TRAF3: variants seen among roughly 807,000 people sequenced by gnomAD.
The protein encoded by TRAF3 is TNF receptor associated factor 3, also known as TNF receptor-associated factor 3.
Under a neutral mutation model 62.3 loss-of-function variants are expected in TRAF3, and 13 were observed. The observed-to-expected ratio is 0.21, with a 90% CI of 0.14 to 0.33. The LOEUF is 0.33. TRAF3 is among the 10% of genes least tolerant of loss of function. TRAF3 has a pLI of 1.00. For missense variants in TRAF3, 440 were observed against 741.8 expected (o/e 0.59, Z 4.73); for synonymous variants, 269 against 283.4 (o/e 0.95, Z 0.51).
intron 4 of TRAF3, among the ~76,000 whole-genome samples, chr14:102,873,153 C>T (rs1452148411): frequency 1.3e-5 from 2 of 152,204 alleles, no homozygotes; most frequent in East Asian, 3.8e-4. Flanking sequence ...GTTTGTTGGT[C>T]AGAGCAGCCC....
In TRAF3 at chr14:102,893,950, T is replaced by C. The variant is rs1301069308; in HGVS notation, c.819+2533T>C. Among the ~76,000 whole-genome samples, 3 of 152,238 alleles carry C rather than the reference T, an allele frequency of 2.0e-5. 1 individual carries two copies. The highest frequency in any genetic ancestry group is 4.1e-4 in the South Asian group (2 of 4,836). On this transcript the variant is annotated intron_variant, in intron 9 of 11. Coordinates refer to ENST00000392745, the MANE Select transcript of TRAF3 (RefSeq NM_145725.3). ...TTACTTAAAATGGGAATTTATTTCT[T>C]ATTATAGAATTATTTAGTTGGAATT...
At chr14:102,900,142 G>A (rs994431060) in intron 10 of TRAF3, among the ~76,000 whole-genome samples, 5 of 137,950 alleles carry the variant, frequency 3.6e-5, no homozygotes, top group African/African-American at 1.2e-4. Flanking sequence ...TAGCGCCGCT[G>A]CAGTCAGGCG....
rs56998347 is a variant in TRAF3, at chr14:102,839,210, C to CTTTTTTTTTTT, written c.-18+8756_-18+8766dup. On this transcript the variant is annotated intron_variant, in intron 2 of 11. Coordinates refer to ENST00000392745, the MANE Select transcript of TRAF3 (RefSeq NM_145725.3). ...GAGAGATGCTTATTGGTTGATTTGCCTTTTTTTTTTTTTTTTTTTTTTTTT... is the reference window on the plus strand; with the variant it reads ...GAGAGATGCTTATTGGTTGATTTGCCTTTTTTTTTTTTTTTTTTTTTTTTTTTTTTTTTTTT... Among the ~76,000 whole-genome samples, 5 of 89,834 alleles carry CTTTTTTTTTTT rather than the reference C, an allele frequency of 5.6e-5. 1 individual carries two copies. The highest frequency in any genetic ancestry group is 2.2e-4 in the African/African-American group (5 of 22,588). The allele number at this position is 89,834 out of a possible 152,430, so 58.9% of individuals were successfully genotyped here. A position where few individuals can be genotyped will look rare whatever the true frequency, so the allele number is the denominator to read the frequency against.
intron 4 of TRAF3, among the ~76,000 whole-genome samples, chr14:102,874,260 A>G (rs530362895): frequency 3.9e-5 from 6 of 152,152 alleles, no homozygotes; most frequent in Non-Finnish European, 5.9e-5. Flanking sequence ...AGTGAAACCC[A>G]CCCTGTCTCT....
chr14:102,891,808 CAT>C (rs1259587592), intron 9 of TRAF3, among the ~76,000 whole-genome samples: 2 of 152,058 alleles, frequency 1.3e-5, no homozygotes, highest in African/African-American at 2.4e-5. Flanking sequence ...AGTTAAGAGA[CAT>C]GTGGACTGTA....
In TRAF3 at chr14:102,895,912, G is replaced by A. The variant is rs564678903; in HGVS notation, c.820-1349G>A. Among the ~76,000 whole-genome samples the A allele has an allele frequency of 1.7e-3, 260 of 152,266 alleles. 1 individual carries two copies. Among genetic ancestry groups the A allele is most frequent in the African/African-American group, 6.1e-3 (255 of 41,532 alleles). ...TCAGGCATCAGCTCTGCCTCTCCGTGTTGAGGGTGAGCAGGCTGGCCCCAA... is the reference window on the plus strand; with the variant it reads ...TCAGGCATCAGCTCTGCCTCTCCGTATTGAGGGTGAGCAGGCTGGCCCCAA... On this transcript the variant is annotated intron_variant, in intron 9 of 11. Transcript: ENST00000392745.
rs1466900430 is a variant in TRAF3, at chr14:102,908,320, G to A, written c.*2536G>A. 1 of 152,612 alleles carries A rather than the reference G, an allele frequency of 6.6e-6. No individual in the cohort carries two copies. The highest frequency in any genetic ancestry group is 1.5e-5 in the Non-Finnish European group (1 of 68,348). 9.5% of individuals were successfully genotyped at this position (152,612 alleles called of 1,614,324 possible). A position where few individuals can be genotyped will look rare whatever the true frequency, so the allele number is the denominator to read the frequency against. On this transcript the variant is annotated 3_prime_UTR_variant, in exon 12 of 12. Transcript: ENST00000392745. ...TTTGTCCTTGAACCTGAGTGATGGG[G>A]GTCCTTGAGGATGGGATGGCCTGTG...
At chr14:102,779,491 G>A (rs1897184484) in intron 1 of TRAF3, among the ~76,000 whole-genome samples, 1 of 152,086 alleles carries the variant, frequency 6.6e-6, no homozygotes, top group Admixed American at 6.6e-5. Flanking sequence ...TCTTGTTTGT[G>A]CCTTGAAGAA....
chr14:102,872,627 A>G (rs1037824789), intron 4 of TRAF3, among the ~76,000 whole-genome samples: 10 of 151,702 alleles, frequency 6.6e-5, no homozygotes, highest in Admixed American at 5.9e-4. Flanking sequence ...GTGCTGCTGT[A>G]CCCTGCCAGG....
At chr14:102,823,880 G>GCAGCCT (rs138111864) in intron 1 of TRAF3, among the ~76,000 whole-genome samples, 2 of 38,358 alleles carry the variant, frequency 5.2e-5, no homozygotes, top group African/African-American at 9.2e-5. Flanking sequence ...TTTTCTGTGT[G>GCAGCCT]CAGTCTCTGT....
intron 1 of TRAF3, among the ~76,000 whole-genome samples, chr14:102,796,313 C>T (rs1167888132): frequency 6.6e-6 from 1 of 152,280 alleles, no homozygotes; most frequent in Non-Finnish European, 1.5e-5. Flanking sequence ...GGCATGGAGG[C>T]TCCCGCCTGG....
chr14:102,807,640 T>TG (rs897826427), intron 1 of TRAF3, among the ~76,000 whole-genome samples: 5 of 152,142 alleles, frequency 3.3e-5, no homozygotes, highest in African/African-American at 1.2e-4. Flanking sequence ...CCCGCAGAGT[T>TG]GGGGTTTTTG....
rs1897057916 is a variant in TRAF3, at chr14:102,777,511, C to CG, written c.-317dup. On this transcript the variant is annotated 5_prime_UTR_variant, in exon 1 of 12. Coordinates refer to ENST00000392745, the MANE Select transcript of TRAF3 (RefSeq NM_145725.3). Reference sequence around the variant, plus strand: ...CGGCGCGGCCGCCGCGTGCGCGAGCCGGGGTTGCAGCCCAGCCGGGACTTT... The same window carrying CG: ...CGGCGCGGCCGCCGCGTGCGCGAGCCGGGGGTTGCAGCCCAGCCGGGACTTT... The CG allele has an allele frequency of 1.4e-5, 2 of 144,022 alleles. No homozygotes were observed. The highest frequency in any genetic ancestry group is 1.4e-4 in the Admixed American group (2 of 14,640). 8.9% of individuals were successfully genotyped at this position (144,022 alleles called of 1,614,324 possible).
intron 2 of TRAF3, among the ~76,000 whole-genome samples, chr14:102,868,314 G>A (rs1435260585): frequency 3.3e-5 from 5 of 152,114 alleles, no homozygotes; most frequent in African/African-American, 9.7e-5. Context: ...GATGTGAGGC[G>A]GCTGGTCTAG....
chr14:102,873,651 G>A (rs1888473888), intron 4 of TRAF3, among the ~76,000 whole-genome samples: 2 of 152,168 alleles, frequency 1.3e-5, no homozygotes, highest in Admixed American at 6.5e-5. Flanking sequence ...GTCATCCAGG[G>A]GTGGGCGGGC....
chr14:102,838,836 T>TA (rs773001051), intron 2 of TRAF3, among the ~76,000 whole-genome samples: 28 of 152,180 alleles, frequency 1.8e-4, no homozygotes, highest in Non-Finnish European at 2.1e-4. Flanking sequence ...GTCTGATTGT[T>TA]ACATTGAATT....
rs1897845225 is a variant in TRAF3, at chr14:102,792,330, T to C, written c.-157+14655T>C. 2.0e-5 allele frequency among the ~76,000 whole-genome samples: 3 copies of C among 151,852 alleles called. No individual in the cohort carries two copies. The South Asian group carries it at 6.2e-4, about 32-fold the overall frequency. ...TTTGTGGAGACAGGGTCTTGCTGTG[T>C]TGCCCAGGTTGGTCTCAAATTCCTC... is the stretch of plus-strand genomic sequence containing the variant. On this transcript the variant is annotated intron_variant, in intron 1 of 11. Transcript: ENST00000392745.
intron 9 of TRAF3, among the ~76,000 whole-genome samples, chr14:102,892,047 CTTTT>C (rs778938323): frequency 8.2e-6 from 1 of 121,412 alleles, no homozygotes. Flanking sequence ...CCATGCTGTT[CTTTT>C]TTTTTTTTTT....
Position 102,829,741 on chromosome 14 carries a change from G to C in TRAF3, c.-156-593G>C, listed in dbSNP as rs759035795. ...GTTTTGGGGAGGGAGGCCCAAGTTA[G>C]AAAGACCCATGTTTAAAATGTCAAG... On this transcript the variant is annotated intron_variant, in intron 1 of 11. Coordinates refer to ENST00000392745, the MANE Select transcript of TRAF3 (RefSeq NM_145725.3). Among the ~76,000 whole-genome samples, 72 of 152,284 alleles carry C rather than the reference G, an allele frequency of 4.7e-4. 1 individual carries two copies. The highest frequency in any genetic ancestry group is 9.4e-4 in the Non-Finnish European group (64 of 68,014).
Sources: allele counts gnomAD v4.1 joint callset (sites outside exome capture counted in the v4.1 genomes callset), GRCh38; gene constraint gnomAD v4.1.1; transcripts MANE v1.5; gene names NCBI Gene and HGNC (gene_info 2026-07-23, HGNC 2026-07-21).